The following PPP1R36 variants were observed in gnomAD, a reference collection of about 807,000 sequenced individuals.
PPP1R36 encodes the protein protein phosphatase 1 regulatory subunit 36.
Under a neutral mutation model 53.4 loss-of-function variants are expected in PPP1R36, and 47 were observed. The ratio of observed to expected loss-of-function variants is 0.88; its 90% CI spans 0.70 to 1.12. The LOEUF is 1.12. Ranked by LOEUF, PPP1R36 falls within the 50% of genes most tolerant of loss-of-function variation. The pLI, the probability that PPP1R36 is intolerant of heterozygous loss-of-function variation, is 0.00. For synonymous variants in PPP1R36, 153 were observed against 170.5 expected (o/e 0.90, Z 0.80); for missense variants, 456 against 513.9 (o/e 0.89, Z 1.09).
chr14:64,586,751 C>T, intron 8 of PPP1R36, 86 bp from the exon 9 acceptor site: 1 of 877,554 alleles, frequency 1.1e-6, no homozygotes, highest in Non-Finnish European at 1.8e-6. Context: ...AAGATAATGA[C>T]CCTAACTTTA....
At chr14:64,551,089 T>C (rs2080091050) in intron 2 of PPP1R36, 104 bp downstream of exon 2, 2 of 705,714 alleles carry the variant, frequency 2.8e-6, no homozygotes, top group Non-Finnish European at 4.7e-6. Flanking sequence ...CACTGAACCT[T>C]TGCCATCTGG....
At chr14:64,573,467 C>T (rs569755285) in intron 7 of PPP1R36, among the ~76,000 whole-genome samples, 5 of 152,232 alleles carry the variant, frequency 3.3e-5, no homozygotes, top group East Asian at 1.9e-4. Context: ...AGCTGAGGTA[C>T]GTAGCCTCCA....
Position 64,550,057 on chromosome 14 carries a change from C to G in PPP1R36, c.60C>G (p.Tyr20Ter), listed in dbSNP as rs2080081730. The G allele has an allele frequency of 6.4e-7, 1 of 1,565,328 alleles. No homozygotes were observed. The highest frequency in any genetic ancestry group is 8.7e-7 in the Non-Finnish European group (1 of 1,154,746). The change falls in exon 1 of 12, where the codon TAC becomes TAG. Residue 20 changes from tyrosine (Y) to a stop codon, truncating the protein, a stop_gained. Transcript: ENST00000298705. LOFTEE classifies it high-confidence loss of function. The part of the protein sequence containing the change: ...RRKRLGGQTP[Y>*]LMDQLGLRLG... ...AGCGGTTAGGTGGGCAGACCCCTTACTTGATGGATGTAAGTGCAGCCTTGG... is the reference window on the plus strand; with the variant it reads ...AGCGGTTAGGTGGGCAGACCCCTTAGTTGATGGATGTAAGTGCAGCCTTGG...
At chr14:64,550,347 G>C (rs1596718939) in intron 1 of PPP1R36, 2 of 1,147,422 alleles carry the variant, frequency 1.7e-6, no homozygotes, top group East Asian at 8.1e-5. Context: ...GCAAAATAGG[G>C]AGACCTACTG....
intron 3 of PPP1R36, among the ~76,000 whole-genome samples, chr14:64,554,709 G>C (rs2080133452): frequency 6.6e-6 from 1 of 152,108 alleles, no homozygotes; most frequent in African/African-American, 2.4e-5. Flanking sequence ...CTCATACCTA[G>C]CAGGGCGAGA....
chr14:64,564,351 G>A (rs1182893933), intron 3 of PPP1R36, among the ~76,000 whole-genome samples: 1 of 152,152 alleles, frequency 6.6e-6, no homozygotes, highest in African/African-American at 2.4e-5. Flanking sequence ...CATTTTTCTT[G>A]TATGTAAAGA....
At position 64,550,033 on chromosome 14, in the gene PPP1R36, G is replaced by T. The variant is rs1405264745; in HGVS notation, c.36G>T (p.Lys12Asn). 1.3e-6 allele frequency: 2 copies of T among 1,574,318 alleles called. No homozygotes were observed. The highest frequency in any genetic ancestry group is 1.7e-6 in the Non-Finnish European group (2 of 1,159,818). ...YRVPEFYARRKRLGGQTPYLM... is the reference protein window; with the variant it reads ...YRVPEFYARRNRLGGQTPYLM... The stretch of plus-strand genomic sequence containing the variant: ...TGCCCGAGTTTTATGCGAGGAGGAA[G>T]CGGTTAGGTGGGCAGACCCCTTACT... The change falls in exon 1 of 12, where the codon AAG (lysine) becomes AAT (asparagine). Residue 12 changes from lysine to asparagine, a missense_variant. Transcript: ENST00000298705.
intron 8 of PPP1R36, among the ~76,000 whole-genome samples, chr14:64,582,413 C>T (rs185381109): frequency 2.6e-5 from 4 of 152,274 alleles, no homozygotes; most frequent in African/African-American, 9.6e-5. Context: ...AATAAGAGAG[C>T]ATCATAACAG....
intron 1 of PPP1R36, chr14:64,550,387 A>T: frequency 1.3e-6 from 1 of 781,752 alleles, no homozygotes; most frequent in Non-Finnish European, 1.7e-6. Context: ...CTGGATAGAA[A>T]GGCTGGTGGG....
chr14:64,581,435 C>T (rs927342551), intron 8 of PPP1R36, among the ~76,000 whole-genome samples: 6 of 152,154 alleles, frequency 3.9e-5, no homozygotes, highest in African/African-American at 1.4e-4. Context: ...TGAAAAACAA[C>T]GCAGGGACAT....
intron 3 of PPP1R36, among the ~76,000 whole-genome samples, chr14:64,562,620 A>G (rs1211273615): frequency 6.6e-6 from 1 of 152,138 alleles, no homozygotes; most frequent in Non-Finnish European, 1.5e-5. Context: ...AGCCATTCAG[A>G]CAAGTGTGAA....
intron 3 of PPP1R36, among the ~76,000 whole-genome samples, chr14:64,557,114 G>T: frequency 6.6e-6 from 1 of 152,020 alleles, no homozygotes. Flanking sequence ...TTACAGGTGT[G>T]AGCCACCATG....
chr14:64,551,837 C>T (rs2080095839), intron 2 of PPP1R36: 1 of 336,602 alleles, frequency 3.0e-6, no homozygotes, highest in Non-Finnish European at 5.9e-6. Context: ...AGCTACAGAA[C>T]TTCTTCAGTA....
At chr14:64,557,891 C>T (rs2080169759) in intron 3 of PPP1R36, among the ~76,000 whole-genome samples, 1 of 152,146 alleles carries the variant, frequency 6.6e-6, no homozygotes, top group Non-Finnish European at 1.5e-5. Context: ...CGCCTGTAAT[C>T]CCAGCTACTC....
At chr14:64,589,076 C>T (rs2080462402) in intron 11 of PPP1R36, 76 bp from the exon 12 acceptor site, 1 of 1,086,112 alleles carries the variant, frequency 9.2e-7, no homozygotes, top group Non-Finnish European at 1.4e-6. Context: ...ATACACACAA[C>T]CACAATCACA....
chr14:64,551,043 A>G (rs2080090562), intron 2 of PPP1R36, 58 bp downstream of exon 2: 10 of 1,157,598 alleles, frequency 8.6e-6, no homozygotes, highest in Admixed American at 8.2e-5. Context: ...GCCTGGGGGA[A>G]AAAAAAGCAA....
chr14:64,556,965 A>G (rs2080160455), intron 3 of PPP1R36, among the ~76,000 whole-genome samples: 1 of 135,600 alleles, frequency 7.4e-6, no homozygotes. Flanking sequence ...GCCCCCCAGC[A>G]AAGAGCTGAA....
At chr14:64,587,033 C>A in intron 9 of PPP1R36, 154 bp downstream of exon 9, 1 of 800,634 alleles carries the variant, frequency 1.2e-6, no homozygotes. Flanking sequence ...GTCTGATTTT[C>A]CTCATGCAAA....
chr14:64,569,175 C>A (rs991195958), intron 7 of PPP1R36, among the ~76,000 whole-genome samples: 1 of 152,150 alleles, frequency 6.6e-6, no homozygotes, highest in African/African-American at 2.4e-5. Context: ...TACACCAGGG[C>A]AAGAATCTGG....
Sources: allele counts gnomAD v4.1 joint callset (sites outside exome capture counted in the v4.1 genomes callset), GRCh38; gene constraint gnomAD v4.1.1; transcripts MANE v1.5; gene names NCBI Gene and HGNC (gene_info 2026-07-23, HGNC 2026-07-21).